The following WWOX variants were observed in gnomAD, a reference collection of about 807,000 sequenced individuals.
WWOX encodes the protein WW domain containing oxidoreductase, also known as WW domain-containing oxidoreductase.
A neutral mutation model predicts 46.2 loss-of-function variants in WWOX; 69 were observed. That is an observed-to-expected ratio of 1.49 (90% CI 1.23 to 1.82). The LOEUF (loss-of-function observed/expected upper bound fraction) is 1.82, where lower values mean the gene tolerates loss of function less well. WWOX is among the 40% of genes most tolerant of loss of function. The pLI is 0.00. For missense variants in WWOX, 919 were observed against 542.6 expected, an observed-to-expected ratio of 1.69 and a Z score of -6.89; for synonymous variants, 359 against 202.6, an observed-to-expected ratio of 1.77 and a Z score of -6.56.
At chr16:79,125,547 G>A (rs2049734048) in intron 8 of WWOX, among the ~76,000 whole-genome samples, 1 of 152,094 alleles carries the variant, frequency 6.6e-6, no homozygotes, top group African/African-American at 2.4e-5. Flanking sequence ...CCAAGTGTAG[G>A]GAGTCCCAAC....
intron 8 of WWOX, among the ~76,000 whole-genome samples, chr16:78,856,934 A>G (rs1377344964): frequency 6.6e-6 from 1 of 152,350 alleles, no homozygotes; most frequent in East Asian, 1.9e-4. Flanking sequence ...TAGGTAGAGC[A>G]TATTGCTCCC....
chr16:79,159,070 C>A (rs1486898777), intron 8 of WWOX, among the ~76,000 whole-genome samples: 1 of 152,202 alleles, frequency 6.6e-6, no homozygotes, highest in Non-Finnish European at 1.5e-5. Context: ...TGGATTCCAG[C>A]CCCAGTAGGC....
rs751763664 is a variant in WWOX at position 78,858,328 on chromosome 16, A to ATGTG, written c.1057-353279_1057-353278insGTGT. On this transcript the variant is annotated intron_variant, in intron 8 of 8. Transcript: ENST00000566780. Reference sequence around the variant, plus strand: ...GTACCCAATATGTAGTCATATATATATATGTGTGTGTGTGTGTGTATGTAT... The same window carrying ATGTG: ...GTACCCAATATGTAGTCATATATATATGTGTATGTGTGTGTGTGTGTGTATGTAT... 5.0e-4 allele frequency among the ~76,000 whole-genome samples: 41 copies of ATGTG among 82,772 alleles called. 1 individual carries two copies. Among genetic ancestry groups the ATGTG allele is most frequent in the Middle Eastern group, 0.019 (2 of 106 alleles). The allele number at this position is 82,772 out of a possible 152,430, so 54.3% of individuals were successfully genotyped here. A position where few individuals can be genotyped will look rare whatever the true frequency, so the allele number is the denominator to read the frequency against.
At chr16:78,265,832 A>T (rs2079351055) in intron 5 of WWOX, 1 of 152,186 alleles carries the variant, frequency 6.6e-6, no homozygotes, top group Non-Finnish European at 1.5e-5. Context: ...TTTGTCAAGT[A>T]AATAGACTCC....
chr16:78,830,257 T>C (rs1038366643), intron 8 of WWOX, among the ~76,000 whole-genome samples: 1 of 152,152 alleles, frequency 6.6e-6, no homozygotes, highest in Non-Finnish European at 1.5e-5. Context: ...GATATTTATA[T>C]GGGGTTATTG....
At chr16:79,198,081 T>A (rs1175049277) in intron 8 of WWOX, among the ~76,000 whole-genome samples, 2 of 151,912 alleles carry the variant, frequency 1.3e-5, no homozygotes, top group Non-Finnish European at 2.9e-5. Context: ...TCCCAGCACT[T>A]GGGGAGGCCA....
At chr16:78,447,074 T>A (rs1423665372) in intron 8 of WWOX, among the ~76,000 whole-genome samples, 1 of 152,230 alleles carries the variant, frequency 6.6e-6, no homozygotes, top group Non-Finnish European at 1.5e-5. Flanking sequence ...GTCCAGTGCC[T>A]TTCAGAAGTA....
chr16:78,490,264 A>C (rs1460193811), intron 8 of WWOX, among the ~76,000 whole-genome samples: 1 of 116,076 alleles, frequency 8.6e-6, no homozygotes, highest in East Asian at 2.0e-4. Context: ...GCACCAACGG[A>C]AGCCTTTTGG....
chr16:79,048,330 C>G (rs2048104286), intron 8 of WWOX, among the ~76,000 whole-genome samples: 1 of 152,040 alleles, frequency 6.6e-6, no homozygotes, highest in Admixed American at 6.5e-5. Context: ...CCCTCCAGCC[C>G]CACACACATG....
intron 8 of WWOX, among the ~76,000 whole-genome samples, chr16:79,043,112 T>G (rs1370876389): frequency 1.3e-5 from 2 of 152,106 alleles, no homozygotes; most frequent in East Asian, 3.9e-4. Context: ...CCTGGACACG[T>G]GGGCAGGTGA....
chr16:78,951,966 A>C (rs1258637049), intron 8 of WWOX, among the ~76,000 whole-genome samples: 1 of 152,162 alleles, frequency 6.6e-6, no homozygotes, highest in African/African-American at 2.4e-5. Flanking sequence ...GATCTTTTTG[A>C]GACCCAAATG....
intron 8 of WWOX, among the ~76,000 whole-genome samples, chr16:79,068,283 G>C (rs186382583): frequency 1.3e-5 from 2 of 152,158 alleles, no homozygotes; most frequent in East Asian, 3.9e-4. Context: ...CCCATAACTA[G>C]CTCATGTAAA....
At chr16:78,741,568 T>C (rs538703960) in intron 8 of WWOX, among the ~76,000 whole-genome samples, 76 of 144,122 alleles carry the variant, frequency 5.3e-4, no homozygotes, top group African/African-American at 1.9e-3. Context: ...AAAAACAAAA[T>C]ATCTGGCTGG....
rs2548845 is a variant in WWOX, at chr16:78,659,599, A to C, written c.1056+226847A>C. On this transcript the variant is annotated intron_variant, in intron 8 of 8. Transcript: ENST00000566780. ...CAATTATCAAATGTTTCCAAAGTGC[A>C]CTTGCTTTGCAAAGCACTGTACTAC... is the stretch of plus-strand genomic sequence containing the variant. 9.8e-5 allele frequency among the ~76,000 whole-genome samples: 15 copies of C among 152,288 alleles called. No individual in the cohort carries two copies. The East Asian group carries it at 2.7e-3, about 27-fold the overall frequency.
intron 5 of WWOX, among the ~76,000 whole-genome samples, chr16:78,371,144 A>G (rs1008696330): frequency 6.6e-6 from 1 of 152,114 alleles, no homozygotes; most frequent in Non-Finnish European, 1.5e-5. Flanking sequence ...ACTTAAGTAT[A>G]TGAGTTAAGT....
intron 5 of WWOX, among the ~76,000 whole-genome samples, chr16:78,299,188 G>A (rs1012965383): frequency 1.3e-5 from 2 of 152,166 alleles, no homozygotes; most frequent in Admixed American, 6.5e-5. Flanking sequence ...AGAGGATTCC[G>A]AAAGCTAGCG....
intron 8 of WWOX, among the ~76,000 whole-genome samples, chr16:78,786,045 T>C (rs1357921376): frequency 6.6e-6 from 1 of 152,194 alleles, no homozygotes; most frequent in Non-Finnish European, 1.5e-5. Context: ...TAGCTGGGAA[T>C]ACAGGCACCC....
chr16:78,307,929 C>T (rs1052764692), intron 5 of WWOX, among the ~76,000 whole-genome samples: 1 of 152,172 alleles, frequency 6.6e-6, no homozygotes, highest in Non-Finnish European at 1.5e-5. Flanking sequence ...TGGTTAAGCA[C>T]CATGCCATTC....
chr16:78,599,005 C>G (rs2045559196), intron 8 of WWOX, among the ~76,000 whole-genome samples: 1 of 152,146 alleles, frequency 6.6e-6, no homozygotes, highest in South Asian at 2.1e-4. Flanking sequence ...GCATTGAGGT[C>G]AAGACTGGTT....
Sources: allele counts gnomAD v4.1 joint callset (sites outside exome capture counted in the v4.1 genomes callset), GRCh38; gene constraint gnomAD v4.1.1; transcripts MANE v1.5; gene names NCBI Gene and HGNC (gene_info 2026-07-23, HGNC 2026-07-21).